Variants in GMDS observed in about 807,000 individuals in gnomAD.
GMDS encodes the protein GDP-mannose 4,6 dehydratase.
GMDS carries 20 observed loss-of-function variants against 49.9 expected under a neutral mutation model. The ratio of observed to expected loss-of-function variants is 0.40; its 90% CI spans 0.28 to 0.58. The LOEUF is 0.58. Ranked by LOEUF, GMDS falls within the 20% of genes least tolerant of loss-of-function variation. The pLI, the probability that GMDS is intolerant of heterozygous loss-of-function variation, is 0.42. For missense variants in GMDS, 362 were observed against 481.4 expected (o/e 0.75, Z 2.32); for synonymous variants, 177 against 178.6 (o/e 0.99, Z 0.07).
chr6:1,871,138 A>T (rs1015127402), intron 7 of GMDS, among the ~76,000 whole-genome samples: 2 of 151,992 alleles, frequency 1.3e-5, no homozygotes, highest in Non-Finnish European at 2.9e-5. Context: ...GTTAACGAGT[A>T]CCAAGGGTTA....
chr6:2,149,789 T>C (rs577938680), intron 1 of GMDS, among the ~76,000 whole-genome samples: 7 of 152,318 alleles, frequency 4.6e-5, no homozygotes, highest in Non-Finnish European at 1.0e-4. Flanking sequence ...ACGGTGACTA[T>C]ATTTAACTGA....
intron 6 of GMDS, among the ~76,000 whole-genome samples, chr6:1,952,801 C>T (rs1169506710): frequency 6.6e-6 from 1 of 151,994 alleles, no homozygotes; most frequent in African/African-American, 2.4e-5. Flanking sequence ...AGTAAATGTC[C>T]CATTCTTAAA....
intron 6 of GMDS, among the ~76,000 whole-genome samples, chr6:1,931,572 G>A (rs1250191848): frequency 6.6e-6 from 1 of 152,090 alleles, no homozygotes; most frequent in African/African-American, 2.4e-5. Flanking sequence ...AGTGCCTTTC[G>A]AAATGAAAAA....
chr6:2,226,548 T>G (rs1780819427), intron 1 of GMDS, among the ~76,000 whole-genome samples: 1 of 152,176 alleles, frequency 6.6e-6, no homozygotes, highest in Admixed American at 6.5e-5. Context: ...ACAACAGAGA[T>G]ATTATAACCC....
At chr6:2,070,521 C>T (rs1771927368) in intron 4 of GMDS, among the ~76,000 whole-genome samples, 1 of 152,074 alleles carries the variant, frequency 6.6e-6, no homozygotes, top group South Asian at 2.1e-4. Context: ...TGGATGAGGT[C>T]ACAAGAGCTG....
At chr6:2,040,453 T>C (rs1769608517) in intron 4 of GMDS, among the ~76,000 whole-genome samples, 1 of 152,234 alleles carries the variant, frequency 6.6e-6, no homozygotes, top group Non-Finnish European at 1.5e-5. Flanking sequence ...GAAACAGTTA[T>C]ATGATCTACA....
At chr6:1,747,115 C>T (rs1340874397) in intron 7 of GMDS, among the ~76,000 whole-genome samples, 1 of 152,066 alleles carries the variant, frequency 6.6e-6, no homozygotes, top group African/African-American at 2.4e-5. Context: ...AGGGCCACTC[C>T]CCTGCTTGGG....
chr6:1,813,911 C>T (rs1423850732), intron 7 of GMDS, among the ~76,000 whole-genome samples: 1 of 152,072 alleles, frequency 6.6e-6, no homozygotes, highest in East Asian at 1.9e-4. Flanking sequence ...AATATTCGGG[C>T]TTATATAAAG....
At position 2,093,434 on chromosome 6, in the gene GMDS, T is replaced by G. The variant is rs1421916813; in HGVS notation, c.345+22337A>C. Among the ~76,000 whole-genome samples the G allele has an allele frequency of 2.6e-5, 4 of 152,138 alleles. 1 individual carries two copies. Among genetic ancestry groups the G allele is most frequent in the Non-Finnish European group, 5.9e-5 (4 of 67,996 alleles). ...GAAACATTCAGGGTGTTTCAAATGA[T>G]CAGCAAAGATTCAACTTAATCCCCT... On this transcript the variant is annotated intron_variant, in intron 4 of 10. Transcript: ENST00000380815.
At chr6:1,881,431 C>G (rs1053984662) in intron 7 of GMDS, among the ~76,000 whole-genome samples, 3 of 152,158 alleles carry the variant, frequency 2.0e-5, no homozygotes, top group Non-Finnish European at 2.9e-5. Context: ...ATTAAGATGA[C>G]TTACTTTCTA....
In GMDS at chr6:1,712,605, C is replaced by T. The variant is rs1034176889; in HGVS notation, c.987+13811G>A. Among the ~76,000 whole-genome samples the T allele has an allele frequency of 2.0e-5, 3 of 152,330 alleles. No homozygotes were observed. In the East Asian group the frequency reaches 5.8e-4, roughly 29 times the overall value. The stretch of plus-strand genomic sequence containing the variant: ...AGACGCAGCAGACATAATGGCTTAT[C>T]ATCAACTCAGGGTTTGAAACAAATA... On this transcript the variant is annotated intron_variant, in intron 9 of 10. Transcript: ENST00000380815.
chr6:1,683,217 G>C (rs1471849359), intron 9 of GMDS, among the ~76,000 whole-genome samples: 4 of 152,056 alleles, frequency 2.6e-5, no homozygotes, highest in Non-Finnish European at 5.9e-5. Context: ...TCTGCCTCCC[G>C]GGTTCACACC....
Position 1,938,953 on chromosome 6 carries a change from T to TCCTCC in GMDS, c.644-8728_644-8724dup, listed in dbSNP as rs1028296518. 5.6e-3 allele frequency among the ~76,000 whole-genome samples: 783 copies of TCCTCC among 140,668 alleles called. 7 individuals are homozygous for TCCTCC. Among genetic ancestry groups the TCCTCC allele is most frequent in the Admixed American group, 0.019 (246 of 12,850 alleles). 92.3% of individuals were successfully genotyped at this position (140,668 alleles called of 152,430 possible). On this transcript the variant is annotated intron_variant, in intron 6 of 10. Coordinates refer to ENST00000380815, the MANE Select transcript of GMDS (RefSeq NM_001500.4). ...TTCTTCCCTTCCTTCCTCCCTTCTT[T>TCCTCC]CCTCCCCTCCCCTCCCCTCCCCTCC... is the stretch of plus-strand genomic sequence containing the variant.
chr6:2,230,058 CCTAT>C (rs1781011813), intron 1 of GMDS, among the ~76,000 whole-genome samples: 1 of 150,720 alleles, frequency 6.6e-6, no homozygotes, highest in African/African-American at 2.5e-5. Context: ...TCTGAAGACC[CCTAT>C]CCAGAGTCCA....
intron 7 of GMDS, among the ~76,000 whole-genome samples, chr6:1,890,209 C>T (rs75620028): frequency 0.02 from 3,081 of 152,092 alleles, 109 homozygotes; most frequent in African/African-American, 0.07. Context: ...AGGGTTCCAA[C>T]ATCTCCACGT....
At chr6:1,957,927 C>T (rs930375257) in intron 6 of GMDS, among the ~76,000 whole-genome samples, 3 of 151,962 alleles carry the variant, frequency 2.0e-5, no homozygotes, top group South Asian at 2.1e-4. Context: ...CTCAGCTTCC[C>T]GAGTAGCTAG....
At chr6:2,241,102 A>G (rs976119412) in intron 1 of GMDS, among the ~76,000 whole-genome samples, 1 of 152,102 alleles carries the variant, frequency 6.6e-6, no homozygotes, top group African/African-American at 2.4e-5. Flanking sequence ...AGGCCCAGAG[A>G]CCTAGGAGGA....
intron 7 of GMDS, among the ~76,000 whole-genome samples, chr6:1,772,476 A>G (rs1768618630): frequency 6.6e-6 from 1 of 152,206 alleles, no homozygotes; most frequent in Non-Finnish European, 1.5e-5. Context: ...TGGGTACTGG[A>G]ACTGCATCCA....
At chr6:1,646,162 CCTT>C (rs1214903963) in intron 9 of GMDS, among the ~76,000 whole-genome samples, 3 of 152,204 alleles carry the variant, frequency 2.0e-5, no homozygotes, top group African/African-American at 7.2e-5. Context: ...ACCTTTAGCT[CCTT>C]CTTCTCTATT....
Sources: gnomAD v4.1 joint callset for allele counts (sites outside exome capture counted in the v4.1 genomes callset) on GRCh38, gnomAD v4.1.1 for gene constraint, MANE v1.5 for transcripts, NCBI Gene and HGNC (gene_info 2026-07-23, HGNC 2026-07-21) for gene names.